TANC2: variants seen among roughly 807,000 people sequenced by gnomAD.
The protein encoded by TANC2 is protein TANC2.
Under a neutral mutation model 210.5 loss-of-function variants are expected in TANC2, and 26 were observed. The ratio of observed to expected loss-of-function variants is 0.12; its 90% confidence interval spans 0.09 to 0.17. The LOEUF (loss-of-function observed/expected upper bound fraction) is 0.17. Ranked by LOEUF, TANC2 falls within the 10% of genes least tolerant of loss-of-function variation. The pLI, the probability that TANC2 is intolerant of heterozygous loss-of-function variation, is 1.00. For synonymous variants in TANC2, 931 were observed against 967.1 expected (o/e 0.96, Z 0.69); for missense variants, 2,129 against 2,608.9 (o/e 0.82, Z 4.01).
chr17:63,245,550 A>G (rs563840127), intron 8 of TANC2, among the ~76,000 whole-genome samples: 1 of 152,234 alleles, frequency 6.6e-6, no homozygotes, highest in South Asian at 2.1e-4. Context: ...TCTACTAAAA[A>G]TACAAAAATT....
At chr17:63,272,105 C>A (rs2043728636) in intron 9 of TANC2, among the ~76,000 whole-genome samples, 1 of 152,090 alleles carries the variant, frequency 6.6e-6, no homozygotes, top group Admixed American at 6.6e-5. Flanking sequence ...ACATTTAAGT[C>A]TTTAATTCAT....
chr17:63,098,465 CACACACACACACACAT>C (rs1192667335), intron 3 of TANC2, among the ~76,000 whole-genome samples: 12 of 38,966 alleles, frequency 3.1e-4, no homozygotes, highest in Admixed American at 1.2e-3. Flanking sequence ...CACACACACA[CACACACACACACACAT>C]ACACTCTCTC....
chr17:63,157,451 TAAAACC>T (rs1170866710), intron 5 of TANC2, among the ~76,000 whole-genome samples: 1 of 152,236 alleles, frequency 6.6e-6, no homozygotes. Flanking sequence ...TCATTAACTG[TAAAACC>T]ATTTTAACTT....
At chr17:63,394,184 C>G (rs1295394018) in intron 17 of TANC2, among the ~76,000 whole-genome samples, 1 of 152,180 alleles carries the variant, frequency 6.6e-6, no homozygotes, top group African/African-American at 2.4e-5. Flanking sequence ...CCCTTCTCCC[C>G]CATGTATTTA....
chr17:63,200,345 A>G (rs2041486171), intron 6 of TANC2, among the ~76,000 whole-genome samples: 1 of 132,398 alleles, frequency 7.6e-6, no homozygotes, highest in South Asian at 2.6e-4. Context: ...ACAAGAATGA[A>G]ACTCTGTCTC....
intron 9 of TANC2, among the ~76,000 whole-genome samples, chr17:63,272,577 C>A (rs955129618): frequency 6.6e-6 from 1 of 152,118 alleles, no homozygotes; most frequent in African/African-American, 2.4e-5. Flanking sequence ...ATTGATTCTT[C>A]CTATTCATGA....
chr17:63,142,392 G>A (rs1325123566), intron 4 of TANC2, among the ~76,000 whole-genome samples: 1 of 152,122 alleles, frequency 6.6e-6, no homozygotes, highest in Non-Finnish European at 1.5e-5. Context: ...GCTTAAAGTT[G>A]TTATTAATAT....
At chr17:63,021,782 T>C (rs951579042) in intron 2 of TANC2, among the ~76,000 whole-genome samples, 5 of 152,200 alleles carry the variant, frequency 3.3e-5, no homozygotes, top group South Asian at 2.1e-4. Context: ...TGTATTGCCA[T>C]GAACAGAGCG....
rs1479661048 is a variant in TANC2, at chr17:63,418,465, G to T, written c.4268+58G>T. The T allele has an allele frequency of 6.0e-6, 9 of 1,494,212 alleles. No individual in the cohort carries two copies. The highest frequency in any genetic ancestry group is 1.2e-5 in the South Asian group (1 of 83,406). 92.6% of individuals were successfully genotyped at this position (1,494,212 alleles called of 1,614,324 possible). ...GTCTCTTTTCTGAAAATTTGGCCAAGGCAGCGTCGGCCACCCTGGGGCATA... is the reference window on the plus strand; with the variant it reads ...GTCTCTTTTCTGAAAATTTGGCCAATGCAGCGTCGGCCACCCTGGGGCATA... On this transcript the variant is annotated intron_variant, in intron 27 of 27. Coordinates refer to ENST00000689528, the Ensembl canonical transcript of TANC2. The surrounding 1 kb of genome is among the most constrained non-coding windows in gnomAD (Gnocchi z 4.6).
intron 4 of TANC2, among the ~76,000 whole-genome samples, chr17:63,128,147 A>G (rs1262759647): frequency 1.3e-5 from 2 of 152,056 alleles, no homozygotes; most frequent in Non-Finnish European, 2.9e-5. Context: ...CTTTGGAAAA[A>G]CTCAATATCA....
chr17:62,980,153 C>T (rs1218730370), intron 1 of TANC2, among the ~76,000 whole-genome samples: 1 of 152,192 alleles, frequency 6.6e-6, no homozygotes, highest in East Asian at 1.9e-4. Context: ...GATTTCCTTA[C>T]TGTACCTGAA....
chr17:63,018,385 A>G (rs895536013), intron 2 of TANC2, among the ~76,000 whole-genome samples: 1 of 151,558 alleles, frequency 6.6e-6, no homozygotes, highest in Non-Finnish European at 1.5e-5. Flanking sequence ...GGAGGCTGAG[A>G]GAGGAGAATT....
intron 5 of TANC2, among the ~76,000 whole-genome samples, chr17:63,167,678 T>C (rs1233335444): frequency 6.6e-6 from 1 of 151,932 alleles, no homozygotes; most frequent in Admixed American, 6.6e-5. Context: ...GTAATAGTTT[T>C]ATGTGAAAAC....
chr17:63,321,055 AG>A (rs1241141227), intron 11 of TANC2, among the ~76,000 whole-genome samples: 1 of 152,096 alleles, frequency 6.6e-6, no homozygotes, highest in African/African-American at 2.4e-5. Context: ...AAAATTAGCC[AG>A]GTGTGGTAGC....
chr17:63,135,428 C>T (rs2039058353), intron 4 of TANC2, among the ~76,000 whole-genome samples: 1 of 152,132 alleles, frequency 6.6e-6, no homozygotes, highest in Non-Finnish European at 1.5e-5. Context: ...TGATGCAACT[C>T]ATAAAATGTT....
intron 9 of TANC2, among the ~76,000 whole-genome samples, chr17:63,301,557 T>G (rs1408033282): frequency 2.0e-5 from 3 of 152,238 alleles, no homozygotes; most frequent in East Asian, 1.9e-4. Context: ...TTTTGTAGTT[T>G]ATTTGCATAG....
At chr17:63,010,282 T>C (rs955410678) in intron 2 of TANC2, among the ~76,000 whole-genome samples, 2 of 152,206 alleles carry the variant, frequency 1.3e-5, no homozygotes, top group African/African-American at 2.4e-5. Context: ...AATGTTTCTG[T>C]AATTCCAATT....
chr17:63,335,474 A>G (rs2045994802), intron 11 of TANC2, among the ~76,000 whole-genome samples: 1 of 152,150 alleles, frequency 6.6e-6, no homozygotes, highest in East Asian at 1.9e-4. Context: ...TTAGCCGGGC[A>G]TGGTGGTGTG....
intron 9 of TANC2, among the ~76,000 whole-genome samples, chr17:63,272,437 GCT>G (rs1339910321): frequency 6.6e-6 from 1 of 152,020 alleles, no homozygotes; most frequent in Non-Finnish European, 1.5e-5. Context: ...GGCTATTTGG[GCT>G]CTCTTTTTGG....
Sources: gnomAD v4.1 joint callset for allele counts (sites outside exome capture counted in the v4.1 genomes callset) on GRCh38, gnomAD v4.1.1 for gene constraint, Gnocchi (gnomAD v3.1) non-coding constraint, MANE v1.5 for transcripts, NCBI Gene and HGNC (gene_info 2026-07-23, HGNC 2026-07-21) for gene names.